ST6GALNAC3: variants seen among roughly 807,000 people sequenced by gnomAD.
ST6GALNAC3 encodes the protein ST6 N-acetylgalactosaminide alpha-2,6-sialyltransferase 3, also known as alpha-N-acetylgalactosaminide alpha-2,6-sialyltransferase 3.
ST6GALNAC3 carries 25 observed loss-of-function variants against 32.7 expected under a neutral mutation model. The observed-to-expected ratio is 0.76, with a 90% confidence interval of 0.56 to 1.07. ST6GALNAC3 has a LOEUF of 1.07. Ranked by LOEUF, ST6GALNAC3 falls within the 50% of genes least tolerant of loss-of-function variation. ST6GALNAC3 has a pLI of 0.00. For synonymous variants in ST6GALNAC3, 129 were observed against 133.1 expected, an observed-to-expected ratio of 0.97 and a Z score of 0.21; for missense variants, 355 against 382.4, an observed-to-expected ratio of 0.93 and a Z score of 0.60.
intron 2 of ST6GALNAC3, among the ~76,000 whole-genome samples, chr1:76,380,363 G>T (rs1480286723): frequency 6.6e-6 from 1 of 152,188 alleles, no homozygotes; most frequent in Non-Finnish European, 1.5e-5. Context: ...CAGTGCCGGT[G>T]TGAGTGTAAT....
At chr1:76,371,198 AG>A (rs1425932220) in intron 2 of ST6GALNAC3, among the ~76,000 whole-genome samples, 1 of 152,344 alleles carries the variant, frequency 6.6e-6, no homozygotes, top group Non-Finnish European at 1.5e-5. Context: ...AGTGCCAAAA[AG>A]GATCTAAGAT....
intron 3 of ST6GALNAC3, among the ~76,000 whole-genome samples, chr1:76,575,718 T>C (rs1413257689): frequency 1.3e-5 from 2 of 152,064 alleles, no homozygotes; most frequent in South Asian, 2.1e-4. Flanking sequence ...CCAATGATGG[T>C]ATTTGGGCAT....
At chr1:76,440,922 T>C (rs955073210) in intron 3 of ST6GALNAC3, among the ~76,000 whole-genome samples, 1 of 151,956 alleles carries the variant, frequency 6.6e-6, no homozygotes, top group African/African-American at 2.4e-5. Flanking sequence ...ACCCAGTCTC[T>C]ACTAAAAATA....
intron 1 of ST6GALNAC3, among the ~76,000 whole-genome samples, chr1:76,301,115 G>A (rs1020029070): frequency 1.3e-5 from 2 of 151,960 alleles, no homozygotes; most frequent in Non-Finnish European, 2.9e-5. Flanking sequence ...TACAGATGAG[G>A]AATCAGAGAA....
intron 1 of ST6GALNAC3, among the ~76,000 whole-genome samples, chr1:76,104,368 T>C (rs1158249313): frequency 1.3e-5 from 2 of 152,214 alleles, no homozygotes; most frequent in Admixed American, 6.5e-5. Flanking sequence ...GGCTTGAAGA[T>C]GATCCATAGA....
At chr1:76,131,184 T>C (rs760583627) in intron 1 of ST6GALNAC3, among the ~76,000 whole-genome samples, 1 of 152,238 alleles carries the variant, frequency 6.6e-6, no homozygotes, top group African/African-American at 2.4e-5. Context: ...CAGATGTCCC[T>C]GAGAAACTGT....
rs562542191 is a variant in ST6GALNAC3, at chr1:76,412,369, G to T, written c.575G>T (p.Arg192Leu). 12 of 1,612,404 alleles carry T rather than the reference G, an allele frequency of 7.4e-6. No individual in the cohort carries two copies. Among genetic ancestry groups the T allele is most frequent in the Non-Finnish European group, 3.4e-6 (4 of 1,179,032 alleles). Residue 192 changes from arginine to leucine, a missense_variant, in exon 3 of 5, where the codon CGC (arginine) becomes CTC (leucine). Transcript: ENST00000328299. ...NAQIYVTTEK[R>L]MSYCDGVFKK... ...CAAATATACGTGACCACAGAGAAGC[G>T]CATGAGTTACTGTGATGGAGTTTTT...
At position 76,384,311 on chromosome 1, in the gene ST6GALNAC3, G is replaced by A. The variant is rs1418868375; in HGVS notation, c.214-27697G>A. Among the ~76,000 whole-genome samples, 6 of 152,224 alleles carry A rather than the reference G, an allele frequency of 3.9e-5. No homozygotes were observed. The East Asian group carries it at 9.6e-4, about 24-fold the overall frequency. On this transcript the variant is annotated intron_variant, in intron 2 of 4. Transcript: ENST00000328299. Reference sequence around the variant, plus strand: ...TAAAAATAAAAGATGCCATGACATAGTGACAAAATGGGCAATTTGACAGGA... The same window carrying A: ...TAAAAATAAAAGATGCCATGACATAATGACAAAATGGGCAATTTGACAGGA...
At chr1:76,286,222 C>T (rs1002951289) in intron 1 of ST6GALNAC3, among the ~76,000 whole-genome samples, 6 of 152,158 alleles carry the variant, frequency 3.9e-5, no homozygotes, top group African/African-American at 1.4e-4. Flanking sequence ...AATTGGCTAC[C>T]TTTGGAGCCT....
At chr1:76,456,228 A>G (rs1291776634) in intron 3 of ST6GALNAC3, among the ~76,000 whole-genome samples, 1 of 152,232 alleles carries the variant, frequency 6.6e-6, no homozygotes, top group Non-Finnish European at 1.5e-5. Context: ...AAACCACAGT[A>G]CAATTCAGCT....
At chr1:76,512,483 A>G (rs1322059727) in intron 3 of ST6GALNAC3, among the ~76,000 whole-genome samples, 5 of 152,176 alleles carry the variant, frequency 3.3e-5, no homozygotes, top group Admixed American at 3.3e-4. Context: ...ACACATATTT[A>G]TGGTGTACAA....
At chr1:76,361,989 A>AAAAAAAT (rs1553184752) in intron 2 of ST6GALNAC3, among the ~76,000 whole-genome samples, 1 of 148,090 alleles carries the variant, frequency 6.8e-6, no homozygotes, top group African/African-American at 2.5e-5. Flanking sequence ...AAAAAAAAAA[A>AAAAAAAT]AAAAGAGAGA....
chr1:76,454,910 G>C (rs139843870), intron 3 of ST6GALNAC3, among the ~76,000 whole-genome samples: 12 of 139,214 alleles, frequency 8.6e-5, no homozygotes, highest in African/African-American at 3.0e-4. Flanking sequence ...TTATTTACTT[G>C]ATAATTTTCT....
chr1:76,183,971 T>C (rs1429397007), intron 1 of ST6GALNAC3, among the ~76,000 whole-genome samples: 1 of 151,356 alleles, frequency 6.6e-6, no homozygotes, highest in East Asian at 1.9e-4. Context: ...TCTTCAGTCA[T>C]GTGAAGTTAC....
intron 3 of ST6GALNAC3, among the ~76,000 whole-genome samples, chr1:76,456,032 G>C (rs571244482): frequency 4.3e-4 from 65 of 152,120 alleles, no homozygotes; most frequent in African/African-American, 1.5e-3. Context: ...CAAAAATACA[G>C]AAGTTATTCT....
intron 3 of ST6GALNAC3, among the ~76,000 whole-genome samples, chr1:76,533,135 TC>T (rs1325861788): frequency 1.3e-5 from 2 of 152,122 alleles, no homozygotes; most frequent in African/African-American, 4.8e-5. Context: ...AAAATAGAGA[TC>T]CGGGAGTTAC....
chr1:76,460,812 C>A (rs1658229925), intron 3 of ST6GALNAC3, among the ~76,000 whole-genome samples: 1 of 152,136 alleles, frequency 6.6e-6, no homozygotes, highest in Non-Finnish European at 1.5e-5. Flanking sequence ...ACATTCTCTT[C>A]CAAAATCATT....
chr1:76,521,326 C>CAT (rs757131178), intron 3 of ST6GALNAC3, among the ~76,000 whole-genome samples: 1 of 151,498 alleles, frequency 6.6e-6, no homozygotes, highest in Non-Finnish European at 1.5e-5. Flanking sequence ...TACATACATG[C>CAT]ATATACACAC....
intron 3 of ST6GALNAC3, among the ~76,000 whole-genome samples, chr1:76,583,610 T>C (rs1646921552): frequency 6.6e-6 from 1 of 152,140 alleles, no homozygotes; most frequent in Admixed American, 6.5e-5. Flanking sequence ...TGCCTGCCAC[T>C]GTATAATGAT....
Sources: allele counts gnomAD v4.1 joint callset (sites outside exome capture counted in the v4.1 genomes callset), GRCh38; gene constraint gnomAD v4.1.1; transcripts MANE v1.5; gene names NCBI Gene and HGNC (gene_info 2026-07-23, HGNC 2026-07-21).